Variants in PLD5 observed in about 807,000 individuals in gnomAD.
PLD5 encodes phospholipase D family member 5.
Under a neutral mutation model 61.1 loss-of-function variants are expected in PLD5, and 36 were observed. The observed-to-expected ratio is 0.59, with a 90% CI of 0.45 to 0.78. PLD5 has a LOEUF of 0.78. Among genes scored for constraint, PLD5 ranks in the 30% least tolerant of loss-of-function variants. The probability of loss-of-function intolerance (pLI) is 0.00; values close to 1 mark genes in which losing one functional copy is unlikely to be tolerated. For missense variants in PLD5, 515 were observed against 644.4 expected (o/e 0.80, Z 2.17); for synonymous variants, 243 against 242.8 (o/e 1.00, Z -0.01).
At chr1:242,433,113 ATTC>A (rs1665806545) in intron 1 of PLD5, among the ~76,000 whole-genome samples, 2 of 152,240 alleles carry the variant, frequency 1.3e-5, no homozygotes, top group African/African-American at 4.8e-5. Context: ...GAGAGCCTGT[ATTC>A]TGCAGGAATG....
chr1:242,479,901 AT>A, intron 1 of PLD5, among the ~76,000 whole-genome samples: 1 of 151,468 alleles, frequency 6.6e-6, no homozygotes, highest in South Asian at 2.1e-4. Context: ...AAAAAAAAAA[AT>A]TCACCAGGCA....
intron 4 of PLD5, among the ~76,000 whole-genome samples, chr1:242,247,699 G>A (rs1372441954): frequency 1.3e-5 from 2 of 152,162 alleles, no homozygotes; most frequent in Non-Finnish European, 2.9e-5. Context: ...TTGGCTAAGA[G>A]GGGCTCCGTT....
At chr1:242,307,126 G>A (rs531640206) in intron 2 of PLD5, among the ~76,000 whole-genome samples, 2 of 152,298 alleles carry the variant, frequency 1.3e-5, no homozygotes, top group South Asian at 2.1e-4. Flanking sequence ...AGAATATTAA[G>A]TTGGATTCTC....
chr1:242,137,292 A>G (rs1048342016), intron 5 of PLD5, among the ~76,000 whole-genome samples: 1 of 152,208 alleles, frequency 6.6e-6, no homozygotes, highest in African/African-American at 2.4e-5. Context: ...TAAAATCCCC[A>G]GTAACCCTTT....
At chr1:242,426,784 A>C (rs1665451670) in intron 1 of PLD5, among the ~76,000 whole-genome samples, 1 of 152,232 alleles carries the variant, frequency 6.6e-6, no homozygotes. Flanking sequence ...ATTGTTGACC[A>C]AATCTATTTC....
At chr1:242,520,094 G>C (rs532785933) in intron 1 of PLD5, among the ~76,000 whole-genome samples, 2 of 152,294 alleles carry the variant, frequency 1.3e-5, no homozygotes, top group Admixed American at 6.5e-5. Flanking sequence ...CTCTGGAAGT[G>C]AGCCTTGACC....
chr1:242,214,465 C>T (rs1258807210), intron 5 of PLD5, among the ~76,000 whole-genome samples: 1 of 152,202 alleles, frequency 6.6e-6, no homozygotes, highest in Non-Finnish European at 1.5e-5. Flanking sequence ...CGTACACATC[C>T]TGTTTTTATT....
intron 8 of PLD5, among the ~76,000 whole-genome samples, chr1:242,102,640 CA>C (rs1660771563): frequency 6.6e-6 from 1 of 152,114 alleles, no homozygotes. Context: ...GTTCCCAGGC[CA>C]TGTGCTTTGT....
chr1:242,213,080 C>T (rs1187099608), intron 5 of PLD5, among the ~76,000 whole-genome samples: 1 of 152,164 alleles, frequency 6.6e-6, no homozygotes, highest in Non-Finnish European at 1.5e-5. Flanking sequence ...CAATTTGCAA[C>T]CTATGAAACC....
At chr1:242,257,119 T>A (rs1291523577) in intron 4 of PLD5, among the ~76,000 whole-genome samples, 2 of 152,102 alleles carry the variant, frequency 1.3e-5, no homozygotes, top group Non-Finnish European at 2.9e-5. Flanking sequence ...CATCTAACTA[T>A]CTACCTACCT....
At chr1:242,472,327 G>A (rs1429458706) in intron 1 of PLD5, among the ~76,000 whole-genome samples, 4 of 152,114 alleles carry the variant, frequency 2.6e-5, no homozygotes, top group South Asian at 2.1e-4. Context: ...TGTTTGCTTC[G>A]ATGCCTTTGA....
At chr1:242,188,450 T>C (rs143320889) in intron 5 of PLD5, among the ~76,000 whole-genome samples, 63 of 152,240 alleles carry the variant, frequency 4.1e-4, no homozygotes, top group African/African-American at 1.4e-3. Context: ...TAAGACATCA[T>C]TGGCACAGAG....
At chr1:242,300,669 G>A (rs1675983180) in intron 2 of PLD5, among the ~76,000 whole-genome samples, 1 of 151,750 alleles carries the variant, frequency 6.6e-6, no homozygotes, top group Non-Finnish European at 1.5e-5. Context: ...AAAAGACACA[G>A]TGGATTGGAC....
At chr1:242,479,800 T>C (rs1410996637) in intron 1 of PLD5, among the ~76,000 whole-genome samples, 2 of 151,856 alleles carry the variant, frequency 1.3e-5, no homozygotes, top group Non-Finnish European at 2.9e-5. Context: ...TCCCAGCACT[T>C]TGGGAGGCTG....
At chr1:242,141,275 T>C (rs180908172) in intron 5 of PLD5, among the ~76,000 whole-genome samples, 1 of 152,272 alleles carries the variant, frequency 6.6e-6, no homozygotes, top group East Asian at 1.9e-4. Context: ...AAGGTCCCAT[T>C]GGACAGACTC....
At chr1:242,156,973 G>A (rs184863284) in intron 5 of PLD5, among the ~76,000 whole-genome samples, 6 of 152,090 alleles carry the variant, frequency 3.9e-5, no homozygotes, top group South Asian at 2.1e-4. Context: ...CATTCTCCCC[G>A]TCACTTTCAG....
At chr1:242,158,438 G>C (rs140385923) in intron 5 of PLD5, among the ~76,000 whole-genome samples, 1 of 152,100 alleles carries the variant, frequency 6.6e-6, no homozygotes, top group Non-Finnish European at 1.5e-5. Context: ...GGGCCCTGGT[G>C]GGGTAGGCAC....
chr1:242,208,912 C>A (rs1574519709), intron 5 of PLD5, among the ~76,000 whole-genome samples: 1 of 152,148 alleles, frequency 6.6e-6, no homozygotes. Flanking sequence ...TGCTAAAATG[C>A]ACAATTTGAA....
rs1667161274 is a variant in PLD5, at chr1:242,462,822, A to G, written c.189+61266T>C. On this transcript the variant is annotated intron_variant, in intron 1 of 9. Coordinates refer to ENST00000536534, the MANE Select transcript of PLD5 (RefSeq NM_001372062.1). ...CAAAAGAAGTTCCTGTTGTCATCAG[A>G]CTAGATCATCCAATACTCCTCAGTG... Among the ~76,000 whole-genome samples, 3 of 152,126 alleles carry G rather than the reference A, an allele frequency of 2.0e-5. No homozygotes were observed. The South Asian group carries it at 6.2e-4, about 32-fold the overall frequency.
Sources: gnomAD v4.1 joint callset for allele counts (sites outside exome capture counted in the v4.1 genomes callset) on GRCh38, gnomAD v4.1.1 for gene constraint, MANE v1.5 for transcripts, NCBI Gene and HGNC (gene_info 2026-07-23, HGNC 2026-07-21) for gene names.